Variants in ABCB1 observed in about 807,000 individuals in gnomAD.
The protein encoded by ABCB1 is ATP binding cassette subfamily B member 1.
In ABCB1, 69 loss-of-function variants were observed where a neutral mutation model predicts 142.0. The ratio of observed to expected loss-of-function variants is 0.49; its 90% CI spans 0.40 to 0.59. The LOEUF (loss-of-function observed/expected upper bound fraction) is 0.59, where lower values mean the gene tolerates loss of function less well. Among genes scored for constraint, ABCB1 ranks in the 20% least tolerant of loss-of-function variants. The probability of loss-of-function intolerance (pLI) is 0.00; values close to 1 mark genes in which losing one functional copy is unlikely to be tolerated. For missense variants in ABCB1, 1,326 were observed against 1,554.7 expected, an observed-to-expected ratio of 0.85 and a Z score of 2.47; for synonymous variants, 532 against 539.2, an observed-to-expected ratio of 0.99 and a Z score of 0.18.
intron 8 of ABCB1, among the ~76,000 whole-genome samples, chr7:87,558,413 G>C (rs1013766877): frequency 6.6e-6 from 1 of 152,026 alleles, no homozygotes; most frequent in African/African-American, 2.4e-5. Flanking sequence ...ATTGTATTTT[G>C]TTAGCTTATA....
At chr7:87,527,106 T>C (rs756212775) in intron 21 of ABCB1, among the ~76,000 whole-genome samples, 2 of 152,200 alleles carry the variant, frequency 1.3e-5, no homozygotes, top group Admixed American at 1.3e-4. Context: ...TGCCTCTTGA[T>C]TGGCAGAAGC....
chr7:87,550,234 A>G lies in ABCB1; in HGVS notation c.1287T>C (p.Ser429=). 1 of 1,614,082 alleles carries G rather than the reference A, an allele frequency of 6.2e-7. No homozygotes were observed. Among genetic ancestry groups the G allele is most frequent in the Non-Finnish European group, 8.5e-7 (1 of 1,180,016 alleles). The change falls in exon 12 of 28, where the codon AGT becomes AGC. Residue 429 remains serine, a synonymous_variant. Transcript: ENST00000622132. ...GGACTGTTGTGCTCTTCCCACAGCC[A>G]CTGTTTCCAACCAGGGCCACCGTCT... ...SGQTVALVGN[S]GCGKSTTVQL...
At chr7:87,664,269 T>A (rs1305442749) in intron 1 of ABCB1, among the ~76,000 whole-genome samples, 1 of 152,110 alleles carries the variant, frequency 6.6e-6, no homozygotes, top group East Asian at 1.9e-4. Context: ...AAGGCTGTAG[T>A]ACACTATTAT....
chr7:87,581,095 C>T (rs1056452347), intron 4 of ABCB1, among the ~76,000 whole-genome samples: 4 of 151,860 alleles, frequency 2.6e-5, no homozygotes, highest in African/African-American at 9.7e-5. Flanking sequence ...TCTTGTTCCA[C>T]CTCCTCCTTA....
chr7:87,596,301 G>A (rs1414419041), intron 2 of ABCB1, among the ~76,000 whole-genome samples: 1 of 151,982 alleles, frequency 6.6e-6, no homozygotes, highest in Non-Finnish European at 1.5e-5. Flanking sequence ...GAAGAGAAGT[G>A]GCAATTAGAT....
At chr7:87,623,970 C>T (rs1820317845) in intron 1 of ABCB1, among the ~76,000 whole-genome samples, 1 of 152,148 alleles carries the variant, frequency 6.6e-6, no homozygotes, top group Non-Finnish European at 1.5e-5. Flanking sequence ...ACTTTTTACT[C>T]ACTGGAATTT....
chr7:87,538,410 A>G (rs532084554), intron 19 of ABCB1, among the ~76,000 whole-genome samples: 28 of 152,298 alleles, frequency 1.8e-4, no homozygotes, highest in Middle Eastern at 6.8e-3. Context: ...TGGTGATGGG[A>G]GGAATGGGGA....
chr7:87,688,382 A>G (rs1372771975), intron 1 of ABCB1, among the ~76,000 whole-genome samples: 1 of 151,980 alleles, frequency 6.6e-6, no homozygotes, highest in Non-Finnish European at 1.5e-5. Flanking sequence ...TGTAATATAT[A>G]CATATATATA....
intron 1 of ABCB1, among the ~76,000 whole-genome samples, chr7:87,611,998 A>G (rs1819870479): frequency 6.6e-6 from 1 of 152,164 alleles, no homozygotes. Context: ...AAATAAAACA[A>G]CTAATTTTTA....
In ABCB1 at chr7:87,613,257, C is replaced by CTTTTTTTTTTTTTTTT. The variant is rs67823385; in HGVS notation, c.-330-12195_-330-12180dup. On this transcript the variant is annotated intron_variant, in intron 1 of 28. Coordinates refer to the ABCB1 transcript ENST00000265724. ...TTTCCAATTTGAATGTCCTTTATTTCTTTTTTTTTTTTTTTTTTTTTTTTG... is the reference window on the plus strand; with the variant it reads ...TTTCCAATTTGAATGTCCTTTATTTCTTTTTTTTTTTTTTTTTTTTTTTTTTTTTTTTTTTTTTTTG... 3.0e-4 allele frequency among the ~76,000 whole-genome samples: 19 copies of CTTTTTTTTTTTTTTTT among 64,202 alleles called. 1 individual carries two copies. The highest frequency in any genetic ancestry group is 3.9e-4 in the African/African-American group (6 of 15,542). 42.1% of individuals were successfully genotyped at this position (64,202 alleles called of 152,430 possible). A position where few individuals can be genotyped will look rare whatever the true frequency, so the allele number is the denominator to read the frequency against.
upstream of ABCB1, among the ~76,000 whole-genome samples, chr7:87,602,292 C>CTTT (rs59849542): frequency 4.6e-3 from 428 of 92,302 alleles, 7 homozygotes; most frequent in African/African-American, 0.013. Flanking sequence ...AGCTCGGCCT[C>CTTT]TTTTTTTTTT....
Position 87,651,170 on chromosome 7 carries a change from T to C in ABCB1, c.-330-50092A>G, listed in dbSNP as rs549990140. On this transcript the variant is annotated intron_variant, in intron 1 of 28. Coordinates refer to the ABCB1 transcript ENST00000265724. Reference sequence around the variant, plus strand: ...GCCACATACAAGGAGAAAAGTGACTTTCCATAAGTAATTAAAATAAAAGCT... The same window carrying C: ...GCCACATACAAGGAGAAAAGTGACTCTCCATAAGTAATTAAAATAAAAGCT... Among the ~76,000 whole-genome samples the C allele has an allele frequency of 2.6e-5, 4 of 152,284 alleles. No homozygotes were observed. The South Asian group carries it at 6.2e-4, about 24-fold the overall frequency.
intron 25 of ABCB1, among the ~76,000 whole-genome samples, chr7:87,510,339 G>A (rs915285691): frequency 6.6e-6 from 1 of 152,228 alleles, no homozygotes; most frequent in Non-Finnish European, 1.5e-5. Context: ...GGGTAGGAAA[G>A]GGTGAATGGA....
chr7:87,588,726 T>C (rs1232706711), intron 3 of ABCB1, among the ~76,000 whole-genome samples: 1 of 152,232 alleles, frequency 6.6e-6, no homozygotes, highest in East Asian at 1.9e-4. Flanking sequence ...TTTCTGTCTT[T>C]AGGTCTTTGA....
In ABCB1 at chr7:87,611,643, T is replaced by A. The variant is rs1173519254; in HGVS notation, c.-330-10565A>T. Among the ~76,000 whole-genome samples, 4 of 152,280 alleles carry A rather than the reference T, an allele frequency of 2.6e-5. No individual in the cohort carries two copies. The South Asian group carries it at 8.3e-4, about 32-fold the overall frequency. Reference sequence around the variant, plus strand: ...ACTGTTAATAAGCACCTAGGTTGATTACATGTCTTTGCTAGAAAATAGCAT... The same window carrying A: ...ACTGTTAATAAGCACCTAGGTTGATAACATGTCTTTGCTAGAAAATAGCAT... On this transcript the variant is annotated intron_variant, in intron 1 of 28. Coordinates refer to the ABCB1 transcript ENST00000265724.
At chr7:87,581,369 G>T (rs1237076802) in intron 4 of ABCB1, among the ~76,000 whole-genome samples, 1 of 151,870 alleles carries the variant, frequency 6.6e-6, no homozygotes, top group Admixed American at 6.6e-5. Context: ...AACCACAATC[G>T]CCTTTATCTA....
intron 8 of ABCB1, among the ~76,000 whole-genome samples, chr7:87,556,092 G>A (rs1248873412): frequency 6.6e-6 from 1 of 152,100 alleles, no homozygotes; most frequent in African/African-American, 2.4e-5. Context: ...CATAAAACTA[G>A]ATATTAAAAT....
At chr7:87,542,499 T>C (rs1816585803) in intron 17 of ABCB1, among the ~76,000 whole-genome samples, 1 of 152,194 alleles carries the variant, frequency 6.6e-6, no homozygotes, top group African/African-American at 2.4e-5. Flanking sequence ...CTATCTTCAA[T>C]GAGGCAGATG....
intron 1 of ABCB1, among the ~76,000 whole-genome samples, chr7:87,624,151 A>G (rs1224969590): frequency 1.3e-5 from 2 of 152,218 alleles, no homozygotes; most frequent in African/African-American, 2.4e-5. Context: ...GAAAAAATTT[A>G]TATCTATCCA....
Sources: allele counts gnomAD v4.1 joint callset (sites outside exome capture counted in the v4.1 genomes callset), GRCh38; gene constraint gnomAD v4.1.1; transcripts MANE v1.5; gene names NCBI Gene and HGNC (gene_info 2026-07-23, HGNC 2026-07-21).